PDZD2: variants seen among roughly 807,000 people sequenced by gnomAD.
PDZD2 encodes PDZ domain-containing protein 2.
A neutral mutation model predicts 220.7 loss-of-function variants in PDZD2; 90 were observed. That is an observed-to-expected ratio of 0.41 (90% CI 0.34 to 0.49). The LOEUF (loss-of-function observed/expected upper bound fraction) is 0.49. Among genes scored for constraint, PDZD2 ranks in the 20% least tolerant of loss-of-function variants. The pLI is 0.28. For synonymous variants in PDZD2, 1,375 were observed against 1,450.5 expected, an observed-to-expected ratio of 0.95 and a Z score of 1.18; for missense variants, 3,174 against 3,608.5, an observed-to-expected ratio of 0.88 and a Z score of 3.08.
chr5:31,872,524 G>GT (rs1366760324), intron 2 of PDZD2, among the ~76,000 whole-genome samples: 3 of 135,226 alleles, frequency 2.2e-5, no homozygotes, highest in African/African-American at 4.9e-5. Context: ...CACTTTCCTT[G>GT]AAAACAAACA....
chr5:31,687,188 C>T, intron 1 of PDZD2, among the ~76,000 whole-genome samples: 1 of 152,186 alleles, frequency 6.6e-6, no homozygotes, highest in East Asian at 1.9e-4. Context: ...TCAGGTTAAT[C>T]AGTAAAGGCT....
At chr5:31,822,448 G>GTTTT in intron 2 of PDZD2, 1 of 336,058 alleles carries the variant, frequency 3.0e-6, no homozygotes, top group African/African-American at 2.2e-5. Context: ...TTTTTTTATA[G>GTTTT]TTTTTTTTTT....
chr5:31,949,602 G>A (rs911238186), intron 2 of PDZD2, among the ~76,000 whole-genome samples: 1 of 150,076 alleles, frequency 6.7e-6, no homozygotes, highest in Non-Finnish European at 1.5e-5. Flanking sequence ...CCCAGATTGT[G>A]TTCTTCGGGG....
chr5:31,931,143 C>T (rs1745250286), intron 2 of PDZD2, among the ~76,000 whole-genome samples: 1 of 152,178 alleles, frequency 6.6e-6, no homozygotes, highest in South Asian at 2.1e-4. Flanking sequence ...CTGTCTCAGC[C>T]TCTTGAGTAG....
Position 31,820,307 on chromosome 5 carries a change from C to T in PDZD2, c.476+20583C>T, listed in dbSNP as rs149763238. Among the ~76,000 whole-genome samples, 1,458 of 152,300 alleles carry T rather than the reference C, an allele frequency of 9.6e-3. 15 individuals are homozygous for T. Among genetic ancestry groups the T allele is most frequent in the Non-Finnish European group, 0.015 (1,005 of 68,024 alleles). ...TGCAGGCTTGGTTCATCTAGGCATG[C>T]TGAGGTCACATGACTTGAGGGACCA... is the stretch of plus-strand genomic sequence containing the variant. On this transcript the variant is annotated intron_variant, in intron 2 of 24. Transcript: ENST00000438447.
chr5:32,006,427 C>T (rs1454817351), intron 5 of PDZD2, among the ~76,000 whole-genome samples: 2 of 147,398 alleles, frequency 1.4e-5, no homozygotes, highest in Non-Finnish European at 1.5e-5. Flanking sequence ...AATCATATAG[C>T]TCTCTGCAGC....
At chr5:32,038,906 G>T (rs1755778230) in intron 7 of PDZD2, among the ~76,000 whole-genome samples, 1 of 152,212 alleles carries the variant, frequency 6.6e-6, no homozygotes, top group Non-Finnish European at 1.5e-5. Flanking sequence ...AGGCTGAGCA[G>T]ATTTTTAAGA....
intron 1 of PDZD2, among the ~76,000 whole-genome samples, chr5:31,657,966 C>T (rs1369450151): frequency 6.6e-6 from 1 of 152,166 alleles, no homozygotes; most frequent in South Asian, 2.1e-4. Flanking sequence ...ATACTCTAAC[C>T]GTCCTATCTT....
At chr5:32,032,063 T>G (rs1755163605) in intron 6 of PDZD2, among the ~76,000 whole-genome samples, 1 of 152,230 alleles carries the variant, frequency 6.6e-6, no homozygotes, top group Non-Finnish European at 1.5e-5. Context: ...AACATGACAG[T>G]CACCCTTATT....
At chr5:31,776,626 T>TTTTATTTA (rs150070722) in intron 1 of PDZD2, among the ~76,000 whole-genome samples, 11,263 of 140,966 alleles carry the variant, frequency 0.08, 560 homozygotes, top group South Asian at 0.16. Flanking sequence ...TTATTTTTTA[T>TTTTATTTA]TTTATTTATT....
At chr5:32,005,483 T>TTAACAAG (rs1335101360) in intron 5 of PDZD2, among the ~76,000 whole-genome samples, 1 of 151,578 alleles carries the variant, frequency 6.6e-6, no homozygotes, top group Admixed American at 6.6e-5. Flanking sequence ...TTGGTTTTTA[T>TTAACAAG]TAACAAGTAA....
chr5:31,830,173 T>C (rs1185579614), intron 2 of PDZD2, among the ~76,000 whole-genome samples: 2 of 151,542 alleles, frequency 1.3e-5, no homozygotes, highest in Non-Finnish European at 2.9e-5. Flanking sequence ...AATGGCTTTT[T>C]TTTTTTTTTT....
chr5:32,000,398 A>C lies in PDZD2; in HGVS notation c.1254+127A>C. The C allele has an allele frequency of 1.0e-6, 1 of 995,326 alleles. No individual in the cohort carries two copies. The highest frequency in any genetic ancestry group is 1.6e-6 in the Non-Finnish European group (1 of 636,412). 61.7% of individuals were successfully genotyped at this position (995,326 alleles called of 1,614,324 possible). A position where few individuals can be genotyped will look rare whatever the true frequency, so the allele number is the denominator to read the frequency against. On this transcript the variant is annotated intron_variant, in intron 5 of 24. Coordinates refer to ENST00000438447, the MANE Select transcript of PDZD2 (RefSeq NM_178140.4). The surrounding 1 kb of genome is among the most constrained non-coding windows in gnomAD (Gnocchi z 4.5). The stretch of plus-strand genomic sequence containing the variant: ...CTTGTACGTTTGCCTTGGGCTATTG[A>C]AACAGCCTTGCTTCCACAGGGCAAC...
intron 1 of PDZD2, among the ~76,000 whole-genome samples, chr5:31,656,904 T>C (rs1039338839): frequency 7.9e-5 from 12 of 152,174 alleles, no homozygotes. Flanking sequence ...TGTAGTCTTA[T>C]TATCAAGTTG....
Position 32,090,097 on chromosome 5 carries a change from A to C in PDZD2, c.6649A>C (p.Arg2217=), listed in dbSNP as rs142682648. The C allele has an allele frequency of 2.2e-5, 36 of 1,613,788 alleles. No homozygotes were observed. Among genetic ancestry groups the C allele is most frequent in the Non-Finnish European group, 3.0e-5 (35 of 1,180,000 alleles). ...SGEDHLYFTP[R]PATRTYSMPA... ...GGAGGACCATCTCTACTTCACCCCA[A>C]GGCCAGCGACCAGGACCTACTCCAT... Residue 2217 remains arginine (R), a synonymous_variant, in exon 20 of 25, where the codon AGG becomes CGG. Coordinates refer to ENST00000438447, the MANE Select transcript of PDZD2 (RefSeq NM_178140.4). This position sits in a 1 kb window ranked among gnomAD's most constrained non-coding sequence, Gnocchi z 4.3.
chr5:31,989,388 G>C (rs1033640371), intron 3 of PDZD2, among the ~76,000 whole-genome samples: 1 of 145,218 alleles, frequency 6.9e-6, no homozygotes, highest in South Asian at 2.3e-4. Flanking sequence ...TATGGCTGAG[G>C]AGTATTCTGT....
chr5:31,799,459 G>A lies in PDZD2; in HGVS notation c.211G>A (p.Val71Met), dbSNP rs778525592. The A allele has an allele frequency of 6.2e-7, 1 of 1,614,196 alleles. No individual in the cohort carries two copies. Among genetic ancestry groups the A allele is most frequent in the Non-Finnish European group, 8.5e-7 (1 of 1,180,030 alleles). ...HSPPEMEICTVYLTKELGDTE... is the reference protein window; with the variant it reads ...HSPPEMEICTMYLTKELGDTE... ...CCCCCCCGAAATGGAGATCTGTACT[G>A]TGTACCTCACCAAGGAGCTGGGGGA... is the stretch of plus-strand genomic sequence containing the variant. Residue 71 changes from valine (V) to methionine (M), a missense_variant, in exon 2 of 25, where the codon GTG (valine) becomes ATG (methionine). This residue lies in a region of PDZD2 where 632 missense variants were observed against 708.1 expected (regional missense o/e 0.89). Transcript: ENST00000438447.
intron 2 of PDZD2, among the ~76,000 whole-genome samples, chr5:31,838,425 C>T (rs545317738): frequency 6.6e-6 from 1 of 152,168 alleles, no homozygotes; most frequent in East Asian, 1.9e-4. Flanking sequence ...CATATAATCA[C>T]GTGGCTCAGC....
At position 32,097,105 on chromosome 5, in the gene PDZD2, C is replaced by T. The variant is rs567968347; in HGVS notation, c.7846-174C>T. The stretch of plus-strand genomic sequence containing the variant: ...CTTCCCAGAGTGTTGGGATTACAGG[C>T]GTGAGCCACCATGCCTGGCTGAGAG... On this transcript the variant is annotated intron_variant, in intron 21 of 24. Coordinates refer to ENST00000438447, the MANE Select transcript of PDZD2 (RefSeq NM_178140.4). Among the ~76,000 whole-genome samples the T allele has an allele frequency of 5.9e-5, 9 of 152,226 alleles. No individual in the cohort carries two copies. The East Asian group carries it at 1.5e-3, about 26-fold the overall frequency.
Sources: allele counts gnomAD v4.1 joint callset (sites outside exome capture counted in the v4.1 genomes callset), GRCh38; gene constraint gnomAD v4.1.1; regional missense constraint gnomAD v4.1.1; non-coding constraint Gnocchi (gnomAD v3.1); transcripts MANE v1.5; gene names NCBI Gene and HGNC (gene_info 2026-07-23, HGNC 2026-07-21).